Variants in CNTNAP2 observed in about 807,000 individuals in gnomAD.
CNTNAP2 encodes the protein contactin-associated protein-like 2.
In CNTNAP2, 98 loss-of-function variants were observed where a neutral mutation model predicts 155.2. The ratio of observed to expected loss-of-function variants is 0.63; its 90% confidence interval spans 0.54 to 0.75. CNTNAP2 has a LOEUF of 0.75. CNTNAP2 is among the 30% of genes least tolerant of loss of function. The pLI is 0.00. For missense variants in CNTNAP2, 1,727 were observed against 1,688.1 expected, an observed-to-expected ratio of 1.02 and a Z score of -0.40; for synonymous variants, 651 against 631.2, an observed-to-expected ratio of 1.03 and a Z score of -0.47.
intron 13 of CNTNAP2, among the ~76,000 whole-genome samples, chr7:147,784,145 C>T (rs1025960560): frequency 6.6e-6 from 1 of 151,802 alleles, no homozygotes; most frequent in Non-Finnish European, 1.5e-5. Flanking sequence ...TTTATAAGGA[C>T]AGCAGCCATA....
At chr7:146,395,855 G>GAC (rs1251681004) in intron 1 of CNTNAP2, among the ~76,000 whole-genome samples, 1 of 147,874 alleles carries the variant, frequency 6.8e-6, no homozygotes, top group African/African-American at 2.6e-5. Flanking sequence ...GAGAGAGAGA[G>GAC]ATTAGATGGA....
At chr7:146,675,411 T>G (rs1161191250) in intron 1 of CNTNAP2, among the ~76,000 whole-genome samples, 1 of 152,206 alleles carries the variant, frequency 6.6e-6, no homozygotes, top group African/African-American at 2.4e-5. Flanking sequence ...GCAATCTTAC[T>G]AGTTTCAAGC....
chr7:147,946,995 A>G (rs1800830819), intron 14 of CNTNAP2, among the ~76,000 whole-genome samples: 1 of 152,148 alleles, frequency 6.6e-6, no homozygotes, highest in Non-Finnish European at 1.5e-5. Context: ...TGAGGAGTGT[A>G]GGGATAAATG....
chr7:147,649,835 TA>T (rs535713107), intron 13 of CNTNAP2, among the ~76,000 whole-genome samples: 3 of 152,016 alleles, frequency 2.0e-5, no homozygotes, highest in South Asian at 4.2e-4. Flanking sequence ...AAAAAAGGGA[TA>T]ATCATAAAAA....
At chr7:148,305,222 C>CA (rs34005083) in intron 21 of CNTNAP2, among the ~76,000 whole-genome samples, 42 of 51,942 alleles carry the variant, frequency 8.1e-4, no homozygotes, top group African/African-American at 2.5e-3. Context: ...GGCCCTGTCT[C>CA]AAAAAAAAAA....
chr7:147,429,904 G>C (rs993311380), intron 10 of CNTNAP2, among the ~76,000 whole-genome samples: 1 of 152,014 alleles, frequency 6.6e-6, no homozygotes, highest in Non-Finnish European at 1.5e-5. Context: ...TCTCTATTCT[G>C]TTCCATTGGT....
intron 3 of CNTNAP2, among the ~76,000 whole-genome samples, chr7:146,853,628 G>C (rs1356184551): frequency 6.6e-6 from 1 of 152,118 alleles, no homozygotes; most frequent in Non-Finnish European, 1.5e-5. Context: ...GATCCTGAGA[G>C]GTAAGAGACC....
chr7:146,534,322 G>T lies in CNTNAP2; in HGVS notation c.98-239949G>T, dbSNP rs191137944. On this transcript the variant is annotated intron_variant, in intron 1 of 23. Coordinates refer to ENST00000361727, the MANE Select transcript of CNTNAP2 (RefSeq NM_014141.6). Reference sequence around the variant, plus strand: ...GAAGTAAAATATGCAGAGTGCCAAAGACAGCAACAGAAACCTCCCATACTC... The same window carrying T: ...GAAGTAAAATATGCAGAGTGCCAAATACAGCAACAGAAACCTCCCATACTC... Among the ~76,000 whole-genome samples, 318 of 152,162 alleles carry T rather than the reference G, an allele frequency of 2.1e-3. 2 individuals are homozygous for T. Among genetic ancestry groups the T allele is most frequent in the African/African-American group, 7.3e-3 (305 of 41,514 alleles).
chr7:148,246,486 A>G (rs1442502594), intron 20 of CNTNAP2, among the ~76,000 whole-genome samples: 2 of 152,240 alleles, frequency 1.3e-5, no homozygotes, highest in African/African-American at 4.8e-5. Flanking sequence ...AAGCTGGTGC[A>G]TTAAAAAGAT....
intron 9 of CNTNAP2, among the ~76,000 whole-genome samples, chr7:147,332,844 A>G (rs963697135): frequency 6.6e-6 from 1 of 152,210 alleles, no homozygotes; most frequent in African/African-American, 2.4e-5. Context: ...CCTGGATGAC[A>G]GAATGAGACT....
chr7:146,783,155 A>C (rs527373947), intron 2 of CNTNAP2, among the ~76,000 whole-genome samples: 84 of 152,208 alleles, frequency 5.5e-4, no homozygotes, highest in Non-Finnish European at 1.1e-3. Context: ...TTTTGTTCTT[A>C]TTATCTTAAT....
chr7:146,420,966 A>G lies in CNTNAP2; in HGVS notation c.97+303993A>G, dbSNP rs557324713. 1.6e-3 allele frequency among the ~76,000 whole-genome samples: 244 copies of G among 152,188 alleles called. 1 individual carries two copies. The highest frequency in any genetic ancestry group is 0.01 in the Middle Eastern group (3 of 292). ...CCTGATAGTCACATTTTAGCTGTTTATGATAACATATCCACTTTACTATGC... is the reference window on the plus strand; with the variant it reads ...CCTGATAGTCACATTTTAGCTGTTTGTGATAACATATCCACTTTACTATGC... On this transcript the variant is annotated intron_variant, in intron 1 of 23. Transcript: ENST00000361727.
intron 1 of CNTNAP2, among the ~76,000 whole-genome samples, chr7:146,297,840 CT>C (rs1800538664): frequency 6.6e-6 from 1 of 152,108 alleles, no homozygotes; most frequent in Non-Finnish European, 1.5e-5. Flanking sequence ...ATGTTGAATG[CT>C]ACAAACACAC....
At chr7:146,522,005 C>G (rs1171016537) in intron 1 of CNTNAP2, among the ~76,000 whole-genome samples, 3 of 151,630 alleles carry the variant, frequency 2.0e-5, no homozygotes, top group Non-Finnish European at 2.9e-5. Context: ...ATGCAATTCT[C>G]AGTCATTTTG....
At chr7:147,265,949 A>G (rs959078455) in intron 8 of CNTNAP2, among the ~76,000 whole-genome samples, 1 of 152,154 alleles carries the variant, frequency 6.6e-6, no homozygotes, top group Non-Finnish European at 1.5e-5. Context: ...AAACAACAGC[A>G]TCAACAAAAA....
intron 1 of CNTNAP2, among the ~76,000 whole-genome samples, chr7:146,643,138 TG>T (rs1362179848): frequency 2.7e-5 from 4 of 149,282 alleles, no homozygotes; most frequent in African/African-American, 9.9e-5. Context: ...TAGTTTCTTT[TG>T]CTGTGCAGAA....
chr7:146,364,782 T>C (rs1485901617), intron 1 of CNTNAP2, among the ~76,000 whole-genome samples: 1 of 152,312 alleles, frequency 6.6e-6, no homozygotes, highest in East Asian at 1.9e-4. Flanking sequence ...AGGACAGTGT[T>C]CTGCTTTTTG....
chr7:148,272,658 A>G (rs565603119), intron 21 of CNTNAP2, among the ~76,000 whole-genome samples: 5 of 152,320 alleles, frequency 3.3e-5, no homozygotes, highest in African/African-American at 1.2e-4. Flanking sequence ...AAATATATAC[A>G]ATCACCTAAA....
At chr7:146,946,744 G>A (rs1916940) in intron 3 of CNTNAP2, among the ~76,000 whole-genome samples, 52,845 of 149,768 alleles carry the variant, frequency 0.35, 9,897 homozygotes, top group Middle Eastern at 0.43. Context: ...TTCCTGTAGC[G>A]TAAAAAGCCA....
Sources: gnomAD v4.1 joint callset for allele counts (sites outside exome capture counted in the v4.1 genomes callset) on GRCh38, gnomAD v4.1.1 for gene constraint, MANE v1.5 for transcripts, NCBI Gene and HGNC (gene_info 2026-07-23, HGNC 2026-07-21) for gene names.